The following JARID2 variants were observed in gnomAD, a reference collection of about 807,000 sequenced individuals.
The protein encoded by JARID2 is jumonji and AT-rich interaction domain containing 2.
In JARID2, 21 loss-of-function variants were observed where a neutral mutation model predicts 125.6. That is an observed-to-expected ratio of 0.17 (90% CI 0.12 to 0.24). The LOEUF (loss-of-function observed/expected upper bound fraction) is 0.24. Ranked by LOEUF, JARID2 falls within the 10% of genes least tolerant of loss-of-function variation. JARID2 has a pLI of 1.00. For missense variants in JARID2, 1,303 were observed against 1,639.6 expected (o/e 0.79, Z 3.55); for synonymous variants, 736 against 661.6 (o/e 1.11, Z -1.73).
Position 15,294,435 on chromosome 6 carries a change from G to T in JARID2, c.45+47851G>T, listed in dbSNP as rs140942358. 2.4e-3 allele frequency among the ~76,000 whole-genome samples: 367 copies of T among 152,252 alleles called. 4 individuals are homozygous for T. The highest frequency in any genetic ancestry group is 8.6e-3 in the African/African-American group (356 of 41,546). On this transcript the variant is annotated intron_variant, in intron 1 of 17. Coordinates refer to ENST00000341776, the MANE Select transcript of JARID2 (RefSeq NM_004973.4). ...TCTCGATCTCCTGGCCTCGTGATCCGCCCACCTTGGCCTCCCAAAGTGCTG... is the reference window on the plus strand; with the variant it reads ...TCTCGATCTCCTGGCCTCGTGATCCTCCCACCTTGGCCTCCCAAAGTGCTG...
intron 4 of JARID2, among the ~76,000 whole-genome samples, chr6:15,459,357 T>C (rs948896322): frequency 6.6e-6 from 1 of 152,242 alleles, no homozygotes; most frequent in South Asian, 2.1e-4. Context: ...TGATTACTTA[T>C]AATACCTAAT....
intron 2 of JARID2, among the ~76,000 whole-genome samples, chr6:15,392,077 TGC>T (rs60479706): frequency 0.2 from 8,109 of 41,374 alleles, 316 homozygotes; most frequent in South Asian, 0.29. Flanking sequence ...TGTGTGTGTG[TGC>T]GTGTCTGGAG....
intron 1 of JARID2, among the ~76,000 whole-genome samples, chr6:15,263,654 G>A (rs1398609781): frequency 2.0e-5 from 3 of 149,586 alleles, no homozygotes; most frequent in South Asian, 4.3e-4. Context: ...GTGCAGTGGC[G>A]CGATCTCCAC....
At chr6:15,269,215 C>T (rs1243776291) in intron 1 of JARID2, among the ~76,000 whole-genome samples, 2 of 152,260 alleles carry the variant, frequency 1.3e-5, no homozygotes, top group Non-Finnish European at 2.9e-5. Context: ...TCTGAGTGCC[C>T]TGTTCCCTGT....
chr6:15,339,960 C>T (rs1763013996), intron 1 of JARID2, among the ~76,000 whole-genome samples: 1 of 151,680 alleles, frequency 6.6e-6, no homozygotes, highest in African/African-American at 2.4e-5. Context: ...TGATCTTTGG[C>T]ATTAATTTTT....
intron 1 of JARID2, among the ~76,000 whole-genome samples, chr6:15,352,669 C>T (rs998246381): frequency 3.3e-5 from 5 of 152,124 alleles, no homozygotes; most frequent in Admixed American, 2.0e-4. Context: ...ACTTGGCTGT[C>T]ATGTAGGGAG....
At chr6:15,283,189 A>T (rs556376754) in intron 1 of JARID2, among the ~76,000 whole-genome samples, 3 of 148,708 alleles carry the variant, frequency 2.0e-5, no homozygotes, top group Non-Finnish European at 4.5e-5. Flanking sequence ...CGTGTTAGCC[A>T]GGACGGTCTC....
At chr6:15,327,767 A>G (rs1275370017) in intron 1 of JARID2, among the ~76,000 whole-genome samples, 1 of 152,204 alleles carries the variant, frequency 6.6e-6, no homozygotes, top group Non-Finnish European at 1.5e-5. Context: ...CAAGAAGCAG[A>G]TGAATGGGCT....
chr6:15,422,995 T>TTC (rs1766567918), intron 3 of JARID2, among the ~76,000 whole-genome samples: 1 of 151,212 alleles, frequency 6.6e-6, no homozygotes, highest in Non-Finnish European at 1.5e-5. Context: ...CTTTTTTTTT[T>TTC]TTTTTTTTTT....
intron 1 of JARID2, chr6:15,247,501 G>T: frequency 1.0e-6 from 1 of 980,442 alleles, no homozygotes. Context: ...CGAGTGATCT[G>T]TGATTAGCTG....
intron 2 of JARID2, among the ~76,000 whole-genome samples, chr6:15,383,435 A>C (rs1004153916): frequency 1.3e-5 from 2 of 151,534 alleles, no homozygotes; most frequent in African/African-American, 4.9e-5. Context: ...ACCTCTCTTT[A>C]CTGGTTCATT....
intron 1 of JARID2, among the ~76,000 whole-genome samples, chr6:15,356,239 G>T (rs1306293448): frequency 6.6e-6 from 1 of 151,980 alleles, no homozygotes; most frequent in Non-Finnish European, 1.5e-5. Flanking sequence ...TATACTTTTT[G>T]GATATTATGT....
intron 1 of JARID2, among the ~76,000 whole-genome samples, chr6:15,263,248 T>C (rs1017996164): frequency 6.6e-6 from 1 of 152,132 alleles, no homozygotes; most frequent in Non-Finnish European, 1.5e-5. Flanking sequence ...TGGAATCATA[T>C]GCTCCAGTGG....
chr6:15,441,109 A>G (rs1359665153), intron 3 of JARID2, among the ~76,000 whole-genome samples: 2 of 152,106 alleles, frequency 1.3e-5, no homozygotes, highest in Non-Finnish European at 2.9e-5. Flanking sequence ...AAATGTGATA[A>G]TCAGAAAATG....
At chr6:15,456,224 G>A (rs999895355) in intron 4 of JARID2, among the ~76,000 whole-genome samples, 5 of 152,110 alleles carry the variant, frequency 3.3e-5, no homozygotes, top group East Asian at 1.9e-4. Flanking sequence ...TTTTAGTTGC[G>A]GAGGCATGCT....
At chr6:15,406,081 T>C (rs1016526155) in intron 2 of JARID2, among the ~76,000 whole-genome samples, 7 of 152,304 alleles carry the variant, frequency 4.6e-5, no homozygotes, top group African/African-American at 1.4e-4. Flanking sequence ...AGTACTCACA[T>C]TGAAAAAGTT....
At chr6:15,361,967 C>T (rs758425873) in intron 1 of JARID2, among the ~76,000 whole-genome samples, 5 of 146,406 alleles carry the variant, frequency 3.4e-5, no homozygotes, top group Non-Finnish European at 7.4e-5. Flanking sequence ...GTGATCTCAG[C>T]TCACTGCAAA....
chr6:15,291,773 C>A (rs919850219), intron 1 of JARID2, among the ~76,000 whole-genome samples: 2 of 152,232 alleles, frequency 1.3e-5, no homozygotes, highest in African/African-American at 4.8e-5. Context: ...CACTACCCCA[C>A]ACAAATGTTG....
intron 5 of JARID2, 41 bp from the exon 6 acceptor site, chr6:15,487,266 C>T: frequency 6.5e-7 from 1 of 1,544,340 alleles, no homozygotes; most frequent in Non-Finnish European, 8.9e-7. Context: ...TGGTAGTGGT[C>T]AAGGTAGTGA....
Sources: gnomAD v4.1 joint callset for allele counts (sites outside exome capture counted in the v4.1 genomes callset) on GRCh38, gnomAD v4.1.1 for gene constraint, MANE v1.5 for transcripts, NCBI Gene and HGNC (gene_info 2026-07-23, HGNC 2026-07-21) for gene names.